The following FBXO25 variants were observed in gnomAD, a reference collection of about 807,000 sequenced individuals.
FBXO25 encodes the protein F-box only protein 25.
A neutral mutation model predicts 51.9 loss-of-function variants in FBXO25; 45 were observed. That is an observed-to-expected ratio of 0.87 (90% CI 0.68 to 1.11). The LOEUF (loss-of-function observed/expected upper bound fraction) is 1.11. FBXO25 is among the 50% of genes most tolerant of loss of function. The pLI is 0.00. For synonymous variants in FBXO25, 199 were observed against 151.0 expected (o/e 1.32, Z -2.33); for missense variants, 507 against 428.5 (o/e 1.18, Z -1.62).
At chr8:439,996 A>C (rs568696472) in intron 5 of FBXO25, among the ~76,000 whole-genome samples, 32 of 152,192 alleles carry the variant, frequency 2.1e-4, no homozygotes, top group Non-Finnish European at 3.8e-4. Context: ...AATTTCTACT[A>C]ATGACTACTC....
At position 463,138 on chromosome 8, in the gene FBXO25, T is replaced by C. The variant is rs1799926402; in HGVS notation, c.975T>C (p.Ile325=). 1 of 1,611,044 alleles carries C rather than the reference T, an allele frequency of 6.2e-7. No individual in the cohort carries two copies. ...DTLHFCRHCS[I]LFWKDSGHPC... The stretch of plus-strand genomic sequence containing the variant: ...TGCATTTCTGTCGGCACTGCAGCAT[T>C]CTCTTTTGGAAGGTACTGATTTAAA... The change falls in exon 9 of 10, where the codon ATT becomes ATC. Residue 325 remains isoleucine (I), a synonymous_variant. Coordinates refer to ENST00000350302, the MANE Select transcript of FBXO25 (RefSeq NM_183420.2).
At chr8:421,667 C>G (rs1295134350) in intron 2 of FBXO25, among the ~76,000 whole-genome samples, 3 of 152,132 alleles carry the variant, frequency 2.0e-5, no homozygotes, top group Admixed American at 6.5e-5. Context: ...CATCTGTTTT[C>G]TAAGTCTGTT....
rs1281141782 is a variant in FBXO25 at position 474,802 on chromosome 8, C to G, written c.*5998C>G. ...GTCCCATTCCGTGGATTGCCTTTCA[C>G]TCTGTTTTGTTCTTTGATGTACAGA... On this transcript the variant is annotated 3_prime_UTR_variant, in exon 10 of 10. Coordinates refer to ENST00000350302, the MANE Select transcript of FBXO25 (RefSeq NM_183420.2). 5 of 429,448 alleles carry G rather than the reference C, an allele frequency of 1.2e-5. No homozygotes were observed. Among genetic ancestry groups the G allele is most frequent in the Non-Finnish European group, 1.8e-5 (4 of 218,936 alleles). The allele number at this position is 429,448 out of a possible 1,614,324, so 26.6% of individuals were successfully genotyped here. A position where few individuals can be genotyped will look rare whatever the true frequency, so the allele number is the denominator to read the frequency against.
intron 5 of FBXO25, among the ~76,000 whole-genome samples, chr8:448,763 A>G (rs1563086400): frequency 1.3e-5 from 2 of 152,174 alleles, no homozygotes; most frequent in African/African-American, 4.8e-5. Context: ...GTTATTCACT[A>G]AAATCAAGTT....
chr8:407,635 C>A (rs1361851629), intron 1 of FBXO25, among the ~76,000 whole-genome samples: 1 of 152,058 alleles, frequency 6.6e-6, no homozygotes, highest in African/African-American at 2.4e-5. Flanking sequence ...CGACTCCTGC[C>A]GGCGTTTGCC....
intron 3 of FBXO25, among the ~76,000 whole-genome samples, chr8:431,810 T>C (rs1170402600): frequency 6.6e-6 from 1 of 152,148 alleles, no homozygotes; most frequent in Non-Finnish European, 1.5e-5. Flanking sequence ...AGCTGGAGTT[T>C]AGGATGTTAG....
At chr8:445,813 G>C (rs1426271261) in intron 5 of FBXO25, among the ~76,000 whole-genome samples, 5 of 152,236 alleles carry the variant, frequency 3.3e-5, no homozygotes, top group Admixed American at 6.5e-5. Flanking sequence ...AGAGGTTGCA[G>C]TGAGCCGAGA....
chr8:468,240 G>C (rs1419478385), intron 9 of FBXO25: 4 of 1,010,918 alleles, frequency 4.0e-6, no homozygotes, highest in East Asian at 2.1e-4. Context: ...GAGGCCGTGT[G>C]TCCCCCTCTC....
intron 7 of FBXO25, among the ~76,000 whole-genome samples, chr8:454,439 C>T (rs1184964417): frequency 6.6e-6 from 1 of 152,176 alleles, no homozygotes; most frequent in Admixed American, 6.5e-5. Context: ...AGGTGGGACA[C>T]ATGGATCAGC....
chr8:443,616 G>A (rs1054470999), intron 5 of FBXO25, among the ~76,000 whole-genome samples: 4 of 150,950 alleles, frequency 2.6e-5, no homozygotes, highest in African/African-American at 4.9e-5. Context: ...TAGGAGGGGC[G>A]CTGGTTCCTA....
intron 1 of FBXO25, among the ~76,000 whole-genome samples, chr8:409,581 A>C (rs1796371558): frequency 6.6e-6 from 1 of 152,214 alleles, no homozygotes; most frequent in South Asian, 2.1e-4. Context: ...AAACTAGAAG[A>C]TAAGTGTATT....
chr8:409,550 G>T (rs975396964), intron 1 of FBXO25, among the ~76,000 whole-genome samples: 24 of 152,166 alleles, frequency 1.6e-4, no homozygotes, highest in Non-Finnish European at 2.8e-4. Flanking sequence ...GGCTCTTTAT[G>T]TAAATGTTAT....
At chr8:457,779 A>T (rs1416935690) in intron 7 of FBXO25, among the ~76,000 whole-genome samples, 1 of 152,214 alleles carries the variant, frequency 6.6e-6, no homozygotes. Flanking sequence ...AGAACACCAC[A>T]TGCTGCCAAT....
At chr8:416,978 G>A (rs557798610) in intron 2 of FBXO25, among the ~76,000 whole-genome samples, 1 of 152,194 alleles carries the variant, frequency 6.6e-6, no homozygotes, top group African/African-American at 2.4e-5. Context: ...GCAATCTGTG[G>A]AAGGAAACCT....
At chr8:428,825 C>T (rs1323851366) in intron 2 of FBXO25, among the ~76,000 whole-genome samples, 6 of 152,212 alleles carry the variant, frequency 3.9e-5, no homozygotes, top group Non-Finnish European at 7.3e-5. Flanking sequence ...CTTATCTCAG[C>T]GTAACGTCCT....
At chr8:467,162 G>A (rs1000279440) in intron 9 of FBXO25, among the ~76,000 whole-genome samples, 16 of 152,172 alleles carry the variant, frequency 1.1e-4, no homozygotes, top group Admixed American at 5.9e-4. Context: ...GGGGAGAACA[G>A]CACAGGAGGG....
At chr8:467,953 C>G in intron 9 of FBXO25, 2 of 1,412,028 alleles carry the variant, frequency 1.4e-6, no homozygotes, top group Non-Finnish European at 1.8e-6. Flanking sequence ...TTTTGCAGAA[C>G]AACACCTGAG....
rs908868712 is a variant in FBXO25, at chr8:471,937, C to T, written c.*3133C>T. ...TTGCCTTAAGTGCTGCTTTTAGAAC[C>T]AAACTGTCATATAAGATTTATCAGC... On this transcript the variant is annotated 3_prime_UTR_variant, in exon 10 of 10. Coordinates refer to ENST00000350302, the MANE Select transcript of FBXO25 (RefSeq NM_183420.2). The T allele has an allele frequency of 6.6e-6, 1 of 152,194 alleles. No individual in the cohort carries two copies. The highest frequency in any genetic ancestry group is 1.5e-5 in the Non-Finnish European group (1 of 68,036). 9.4% of individuals were successfully genotyped at this position (152,194 alleles called of 1,614,324 possible).
In FBXO25 at chr8:450,043, G is replaced by C; in HGVS notation, c.435G>C (p.Gln145His). The C allele has an allele frequency of 6.2e-7, 1 of 1,613,490 alleles. No individual in the cohort carries two copies. The highest frequency in any genetic ancestry group is 8.5e-7 in the Non-Finnish European group (1 of 1,179,788). ...TAACTTCATTGAGTGGCGTGGCACA[G>C]AAGAATTACTTCAACATTTTGGATA... Reference protein sequence around the residue: ...SQLTSLSGVAQKNYFNILDKI... With the variant: ...SQLTSLSGVAHKNYFNILDKI... The change falls in exon 6 of 10, where the codon CAG becomes CAC. Residue 145 changes from glutamine (Q) to histidine (H), a missense_variant. Physicochemically the swap from Gln to His is conservative, Grantham distance 24 (BLOSUM62 0). Transcript: ENST00000350302.
Sources: gnomAD v4.1 joint callset for allele counts (sites outside exome capture counted in the v4.1 genomes callset) on GRCh38, gnomAD v4.1.1 for gene constraint, MANE v1.5 for transcripts, NCBI Gene and HGNC (gene_info 2026-07-23, HGNC 2026-07-21) for gene names.